LMO7: variants seen among roughly 807,000 people sequenced by gnomAD.
LMO7 encodes the protein LIM domain only protein 7.
Under a neutral mutation model 206.5 loss-of-function variants are expected in LMO7, and 120 were observed. That is an observed-to-expected ratio of 0.58 (90% CI 0.50 to 0.68). The LOEUF (loss-of-function observed/expected upper bound fraction) is 0.68. Among genes scored for constraint, LMO7 ranks in the 30% least tolerant of loss-of-function variants. The pLI, the probability that LMO7 is intolerant of heterozygous loss-of-function variation, is 0.00. For missense variants in LMO7, 1,959 were observed against 1,957.9 expected, an observed-to-expected ratio of 1.00 and a Z score of -0.01; for synonymous variants, 706 against 681.5, an observed-to-expected ratio of 1.04 and a Z score of -0.56.
intron 1 of LMO7, among the ~76,000 whole-genome samples, chr13:75,668,163 G>A (rs1427953563): frequency 6.6e-6 from 1 of 152,184 alleles, no homozygotes; most frequent in East Asian, 1.9e-4. Flanking sequence ...AGCCAAGATT[G>A]CGCCACTACA....
chr13:75,714,837 A>G (rs938726356), intron 2 of LMO7, among the ~76,000 whole-genome samples: 2 of 152,072 alleles, frequency 1.3e-5, no homozygotes, highest in Non-Finnish European at 2.9e-5. Flanking sequence ...TGCCTATTAG[A>G]AAGAGGCATG....
rs1366762361 is a variant in LMO7 at position 75,838,093 on chromosome 13, T to C, written c.3395-47T>C. The C allele has an allele frequency of 2.6e-6, 3 of 1,137,020 alleles. No homozygotes were observed. In the South Asian group the frequency reaches 3.8e-5, roughly 14 times the overall value. 70.4% of individuals were successfully genotyped at this position (1,137,020 alleles called of 1,614,324 possible). A position where few individuals can be genotyped will look rare whatever the true frequency, so the allele number is the denominator to read the frequency against. ...CAAGTATCGTTTAATTTACCAATGG[T>C]GAGAAATAAAAATGAATGACATAGT... On this transcript the variant is annotated intron_variant, in intron 19 of 30. Coordinates refer to ENST00000377534, the MANE Select transcript of LMO7 (RefSeq NM_001306080.2).
intron 1 of LMO7, among the ~76,000 whole-genome samples, chr13:75,662,745 T>A (rs756617095): frequency 5.9e-5 from 9 of 152,216 alleles, no homozygotes; most frequent in Non-Finnish European, 1.3e-4. Context: ...TACCTTTACA[T>A]TCTTGAAGTA....
Position 75,835,274 on chromosome 13 carries a change from T to C in LMO7, c.3268T>C (p.Tyr1090His), listed in dbSNP as rs760953938. The C allele has an allele frequency of 6.2e-7, 1 of 1,611,484 alleles. No homozygotes were observed. The highest frequency in any genetic ancestry group is 8.5e-7 in the Non-Finnish European group (1 of 1,178,776). Residue 1090 changes from tyrosine (Y) to histidine (H), a missense_variant, in exon 18 of 31, where the codon TAC (tyrosine) becomes CAC (histidine). Transcript: ENST00000377534. ...GTGGATTGATGCAACTTCTGGAATT[T>C]ACAACTCAGAAAAATCTTCAAATCT... ...TKWIDATSGI[Y>H]NSEKSSNLSV...
At position 75,833,181 on chromosome 13, in the gene LMO7, A is replaced by G. The variant is rs762660634; in HGVS notation, c.3064+16A>G. 6.6e-6 allele frequency: 9 copies of G among 1,362,614 alleles called. No homozygotes were observed. The highest frequency in any genetic ancestry group is 3.4e-5 in the Admixed American group (2 of 59,566). The allele number at this position is 1,362,614 out of a possible 1,614,324, so 84.4% of individuals were successfully genotyped here. A position where few individuals can be genotyped will look rare whatever the true frequency, so the allele number is the denominator to read the frequency against. The stretch of plus-strand genomic sequence containing the variant: ...GTTGAAGCAGGTAAATTATGTGTTT[A>G]GCTCTACTGAATTTTCTTCTCCTTT... On this transcript the variant is annotated intron_variant, in intron 16 of 30. Transcript: ENST00000377534.
intron 2 of LMO7, among the ~76,000 whole-genome samples, chr13:75,721,330 A>C (rs2044000712): frequency 6.6e-6 from 1 of 152,212 alleles, no homozygotes; most frequent in African/African-American, 2.4e-5. Context: ...TTTAATAAAT[A>C]TCTGTAAAGC....
intron 27 of LMO7, among the ~76,000 whole-genome samples, 195 bp downstream of exon 27, chr13:75,849,487 G>T (rs1469826742): frequency 7.0e-6 from 1 of 142,034 alleles, no homozygotes; most frequent in Non-Finnish European, 1.5e-5. Context: ...AATTCTGGCT[G>T]TTTTTTTTTT....
At chr13:75,845,685 A>T (rs1003815659) in intron 26 of LMO7, among the ~76,000 whole-genome samples, 1 of 152,198 alleles carries the variant, frequency 6.6e-6, no homozygotes, top group African/African-American at 2.4e-5. Context: ...CAGCTGAAGA[A>T]ATAGTACAGA....
intron 1 of LMO7, among the ~76,000 whole-genome samples, chr13:75,682,334 C>T (rs1398896880): frequency 1.3e-5 from 2 of 152,164 alleles, no homozygotes; most frequent in Admixed American, 1.3e-4. Context: ...GGACAAATGG[C>T]ACACAAAGTA....
In LMO7 at chr13:75,840,489, A is replaced by C; in HGVS notation, c.3576A>C (p.Leu1192=). The C allele has an allele frequency of 6.2e-7, 1 of 1,613,558 alleles. No homozygotes were observed. The highest frequency in any genetic ancestry group is 8.5e-7 in the Non-Finnish European group (1 of 1,179,690). Residue 1192 remains leucine, a synonymous_variant, in exon 22 of 31, where the codon CTA becomes CTC. Coordinates refer to ENST00000377534, the MANE Select transcript of LMO7 (RefSeq NM_001306080.2). The part of the protein sequence containing the change: ...QERWQKEQDR[L]LQEKYQREQE... ...GGTGGCAGAAGGAGCAGGACCGCCT[A>C]CTGCAGGTAGCTCTGGCTCACGTGG... is the stretch of plus-strand genomic sequence containing the variant.
At chr13:75,634,730 G>C (rs2035521695), upstream of LMO7, among the ~76,000 whole-genome samples, 3 of 151,900 alleles carry the variant, frequency 2.0e-5, no homozygotes, top group African/African-American at 4.8e-5. Flanking sequence ...GCGACAGAGC[G>C]AGACTCCTCA....
At position 75,723,214 on chromosome 13, in the gene LMO7, C is replaced by T. The variant is rs575359985; in HGVS notation, c.141-3815C>T. On this transcript the variant is annotated intron_variant, in intron 2 of 30. Transcript: ENST00000377534. ...AGATTAAAAAAAAACCCAAAATCAT[C>T]ATTGCTCTTTAATTTGTGAACAAAA... is the stretch of plus-strand genomic sequence containing the variant. Among the ~76,000 whole-genome samples, 22 of 127,654 alleles carry T rather than the reference C, an allele frequency of 1.7e-4. No individual in the cohort carries two copies. In the South Asian group the frequency reaches 5.1e-3, roughly 30 times the overall value. The allele number at this position is 127,654 out of a possible 152,430, so 83.7% of individuals were successfully genotyped here. A position where few individuals can be genotyped will look rare whatever the true frequency, so the allele number is the denominator to read the frequency against.
At chr13:75,836,001 C>T (rs754854293) in intron 18 of LMO7, among the ~76,000 whole-genome samples, 5 of 152,056 alleles carry the variant, frequency 3.3e-5, no homozygotes, top group Non-Finnish European at 5.9e-5. Context: ...ATTGTGTTAT[C>T]ATCTCAAGGT....
chr13:75,772,401 G>GA (rs1433279311), intron 4 of LMO7, among the ~76,000 whole-genome samples: 1 of 152,090 alleles, frequency 6.6e-6, no homozygotes, highest in Non-Finnish European at 1.5e-5. Flanking sequence ...ATAAGTGAAG[G>GA]AAAAATACTG....
intron 3 of LMO7, among the ~76,000 whole-genome samples, chr13:75,744,957 C>T (rs893815605): frequency 1.4e-4 from 21 of 152,166 alleles, no homozygotes; most frequent in Non-Finnish European, 1.5e-5. Context: ...GGCATATCAG[C>T]TCCAGATGCC....
rs570157842 is a variant in LMO7, at chr13:75,794,032, A to G, written c.318-1369A>G. On this transcript the variant is annotated intron_variant, in intron 4 of 30. Coordinates refer to ENST00000377534, the MANE Select transcript of LMO7 (RefSeq NM_001306080.2). ...TGCCATATGATATTTCATTACGTGG[A>G]TATGCCATAATTTATCCATTATAAT... Among the ~76,000 whole-genome samples, 4 of 152,318 alleles carry G rather than the reference A, an allele frequency of 2.6e-5. No individual in the cohort carries two copies. In the South Asian group the frequency reaches 6.2e-4, roughly 24 times the overall value.
At chr13:75,703,266 A>T (rs1384467396) in intron 1 of LMO7, among the ~76,000 whole-genome samples, 4 of 152,182 alleles carry the variant, frequency 2.6e-5, no homozygotes, top group Non-Finnish European at 4.4e-5. Context: ...AATTTGATTT[A>T]AAAGTGATGA....
intron 4 of LMO7, among the ~76,000 whole-genome samples, chr13:75,785,240 G>T (rs2052231741): frequency 6.6e-6 from 1 of 152,112 alleles, no homozygotes; most frequent in Non-Finnish European, 1.5e-5. Context: ...TAAAAATATA[G>T]TAAGGTAGAA....
At chr13:75,835,980 T>G (rs1296974788) in intron 18 of LMO7, among the ~76,000 whole-genome samples, 1 of 152,190 alleles carries the variant, frequency 6.6e-6, no homozygotes. Flanking sequence ...GCACTTATAC[T>G]CACTCCTTAG....
Sources: gnomAD v4.1 joint callset for allele counts (sites outside exome capture counted in the v4.1 genomes callset) on GRCh38, gnomAD v4.1.1 for gene constraint, MANE v1.5 for transcripts, NCBI Gene and HGNC (gene_info 2026-07-23, HGNC 2026-07-21) for gene names.